SAMMSON: variants seen among roughly 807,000 people sequenced by gnomAD.
SAMMSON encodes the protein long intergenic non-protein coding RNA 1212.
chr3:70,305,376 T>A (rs1702390664), intron 7 of SAMMSON, among the ~76,000 whole-genome samples: 2 of 152,202 alleles, frequency 1.3e-5, no homozygotes, highest in South Asian at 4.1e-4. Context: ...TGTGTTTACA[T>A]AGTAAAAAGA....
intron 3 of SAMMSON, among the ~76,000 whole-genome samples, chr3:70,017,268 A>G (rs1298894446): frequency 1.3e-5 from 2 of 152,060 alleles, no homozygotes; most frequent in South Asian, 2.1e-4. Flanking sequence ...TTCATTGAGC[A>G]GTGGTTTGTA....
intron 9 of SAMMSON, among the ~76,000 whole-genome samples, chr3:70,360,230 A>C (rs1478218988): frequency 6.6e-6 from 1 of 152,154 alleles, no homozygotes; most frequent in Non-Finnish European, 1.5e-5. Context: ...TTTCATTCTT[A>C]TGCCTCATAT....
chr3:70,014,477 C>G (rs1350394175), intron 3 of SAMMSON: 1 of 152,186 alleles, frequency 6.6e-6, no homozygotes, highest in Non-Finnish European at 1.5e-5. Context: ...TTCTTTTCTT[C>G]AATGTCTTTG....
At chr3:70,040,887 A>T (rs1207187190) in intron 3 of SAMMSON, among the ~76,000 whole-genome samples, 1 of 152,056 alleles carries the variant, frequency 6.6e-6, no homozygotes, top group Non-Finnish European at 1.5e-5. Context: ...AACCTGCTGC[A>T]CCTCTGAGTT....
intron 4 of SAMMSON, among the ~76,000 whole-genome samples, chr3:70,118,683 A>G (rs554077143): frequency 1.3e-5 from 2 of 152,276 alleles, no homozygotes; most frequent in African/African-American, 4.8e-5. Flanking sequence ...TTTAGCATCC[A>G]ACATCTACTT....
At chr3:70,306,988 T>G (rs576949290) in intron 7 of SAMMSON, among the ~76,000 whole-genome samples, 2 of 152,200 alleles carry the variant, frequency 1.3e-5, no homozygotes, top group Non-Finnish European at 2.9e-5. Context: ...TATATTTATA[T>G]ATATAGAGAG....
chr3:70,297,475 T>A (rs773815282), intron 7 of SAMMSON, among the ~76,000 whole-genome samples: 1 of 152,130 alleles, frequency 6.6e-6, no homozygotes, highest in Non-Finnish European at 1.5e-5. Context: ...TGGTTACTAA[T>A]GACAAATTTA....
intron 4 of SAMMSON, among the ~76,000 whole-genome samples, chr3:70,122,640 A>G (rs1309759015): frequency 1.3e-5 from 2 of 150,942 alleles, no homozygotes; most frequent in African/African-American, 2.4e-5. Flanking sequence ...TGAAAAAAAC[A>G]TGTTTTTTAT....
chr3:70,258,651 T>C (rs1701839786), intron 6 of SAMMSON, among the ~76,000 whole-genome samples: 1 of 152,128 alleles, frequency 6.6e-6, no homozygotes, highest in African/African-American at 2.4e-5. Context: ...TACTGGAAAT[T>C]TATAGAAAGT....
At chr3:70,179,679 C>T (rs1467962177) in intron 4 of SAMMSON, among the ~76,000 whole-genome samples, 2 of 152,164 alleles carry the variant, frequency 1.3e-5, no homozygotes, top group Non-Finnish European at 2.9e-5. Context: ...TGTACTTGTA[C>T]ATGAGAGTGG....
chr3:70,026,001 T>C (rs555989901), intron 3 of SAMMSON, among the ~76,000 whole-genome samples: 1 of 152,114 alleles, frequency 6.6e-6, no homozygotes, highest in Non-Finnish European at 1.5e-5. Flanking sequence ...ATTGGACCCA[T>C]GCATTTCAAA....
chr3:70,285,466 A>G (rs1372840811), intron 6 of SAMMSON, among the ~76,000 whole-genome samples: 1 of 152,034 alleles, frequency 6.6e-6, no homozygotes, highest in Non-Finnish European at 1.5e-5. Flanking sequence ...ATTGTTGGAC[A>G]TTTGGGTTGG....
intron 4 of SAMMSON, among the ~76,000 whole-genome samples, chr3:70,223,857 C>A (rs931340088): frequency 1.3e-5 from 2 of 152,024 alleles, no homozygotes; most frequent in Non-Finnish European, 2.9e-5. Context: ...TAGACTTAAT[C>A]TTTTTTCTCC....
chr3:70,206,843 C>A, intron 4 of SAMMSON: 1 of 396,668 alleles, frequency 2.5e-6, no homozygotes, highest in South Asian at 1.3e-4. Flanking sequence ...TTTACGTGAC[C>A]TAGTGACCTA....
chr3:70,004,217 G>T (rs1462183582), intron 1 of SAMMSON, among the ~76,000 whole-genome samples: 1 of 152,122 alleles, frequency 6.6e-6, no homozygotes, highest in African/African-American at 2.4e-5. Flanking sequence ...AGTAAAGTTA[G>T]TAAGTTAGTA....
At chr3:70,285,524 G>T (rs929351666) in intron 6 of SAMMSON, among the ~76,000 whole-genome samples, 2 of 151,926 alleles carry the variant, frequency 1.3e-5, no homozygotes, top group African/African-American at 4.8e-5. Flanking sequence ...AAATACGTGT[G>T]CATGTGTCTT....
At chr3:70,279,928 T>A (rs1187265670) in intron 6 of SAMMSON, among the ~76,000 whole-genome samples, 2 of 152,170 alleles carry the variant, frequency 1.3e-5, no homozygotes, top group Non-Finnish European at 2.9e-5. Context: ...TTGCTTGAGA[T>A]CCTGTCTTTG....
intron 2 of SAMMSON, among the ~76,000 whole-genome samples, chr3:70,417,357 G>A (rs993598855): frequency 2.0e-5 from 3 of 152,264 alleles, no homozygotes; most frequent in Admixed American, 6.5e-5. Flanking sequence ...GTATGGAAGT[G>A]TTCCTTAAAT....
chr3:70,372,857 CTT>C (rs1397105095), intron 9 of SAMMSON, among the ~76,000 whole-genome samples: 1 of 152,162 alleles, frequency 6.6e-6, no homozygotes, highest in Non-Finnish European at 1.5e-5. Context: ...ATGTACATAA[CTT>C]TTCACAGTCT....
Sources: gnomAD v4.1 joint callset for allele counts (sites outside exome capture counted in the v4.1 genomes callset) on GRCh38, gnomAD v4.1.1 for gene constraint, MANE v1.5 for transcripts, NCBI Gene and HGNC (gene_info 2026-07-23, HGNC 2026-07-21) for gene names.